Variants in PRKCH observed in about 807,000 individuals in gnomAD.
PRKCH encodes protein kinase C eta type.
A neutral mutation model predicts 82.5 loss-of-function variants in PRKCH; 28 were observed. The observed-to-expected ratio is 0.34, with a 90% CI of 0.25 to 0.47. The LOEUF (loss-of-function observed/expected upper bound fraction) is 0.47. Among genes scored for constraint, PRKCH ranks in the 20% least tolerant of loss-of-function variants. PRKCH has a pLI of 1.00. For synonymous variants in PRKCH, 322 were observed against 327.4 expected (o/e 0.98, Z 0.18); for missense variants, 705 against 881.8 (o/e 0.80, Z 2.54).
intron 1 of PRKCH, among the ~76,000 whole-genome samples, chr14:61,331,391 C>T (rs1014571904): frequency 6.6e-6 from 1 of 152,052 alleles, no homozygotes; most frequent in Non-Finnish European, 1.5e-5. Context: ...TGGTGGTGTG[C>T]ACCTGTAGTC....
rs533741340 is a variant in PRKCH at position 61,413,795 on chromosome 14, A to G, written c.427+22507A>G. Among the ~76,000 whole-genome samples, 5 of 151,796 alleles carry G rather than the reference A, an allele frequency of 3.3e-5. No individual in the cohort carries two copies. In the South Asian group the frequency reaches 1.0e-3, roughly 32 times the overall value. On this transcript the variant is annotated intron_variant, in intron 2 of 13. Coordinates refer to ENST00000332981, the MANE Select transcript of PRKCH (RefSeq NM_006255.5). ...CTAATTCTTCACTTCATTGCCTTCT[A>G]TTTTCTCTTCCAGCCGCTACTTAAG...
At chr14:61,281,257 C>T in intron 1 of PRKCH, 2 of 612,180 alleles carry the variant, frequency 3.3e-6, no homozygotes, top group Non-Finnish European at 4.8e-6. Context: ...GTCGGGTTTC[C>T]CGCCAGCTCA....
At chr14:61,192,840 C>T (rs2044415314) in intron 1 of PRKCH, among the ~76,000 whole-genome samples, 1 of 152,186 alleles carries the variant, frequency 6.6e-6, no homozygotes, top group Admixed American at 6.5e-5. Flanking sequence ...TTGGACTTCA[C>T]CTTCCCTTCC....
At chr14:61,434,616 A>T (rs1244789003) in intron 2 of PRKCH, among the ~76,000 whole-genome samples, 1 of 152,228 alleles carries the variant, frequency 6.6e-6, no homozygotes, top group Admixed American at 6.5e-5. Flanking sequence ...TGATAGTAGG[A>T]CAGGAGGGAA....
At chr14:61,222,485 A>G (rs1382597445) in intron 1 of PRKCH, among the ~76,000 whole-genome samples, 1 of 152,216 alleles carries the variant, frequency 6.6e-6, no homozygotes, top group Non-Finnish European at 1.5e-5. Flanking sequence ...GATACAGACT[A>G]GACTCATATT....
At chr14:61,337,773 G>A (rs2045878579) in intron 1 of PRKCH, among the ~76,000 whole-genome samples, 1 of 152,148 alleles carries the variant, frequency 6.6e-6, no homozygotes, top group Non-Finnish European at 1.5e-5. Flanking sequence ...TTTGTTTACT[G>A]GACACTTGTT....
chr14:61,464,850 A>G (rs1305365502), intron 9 of PRKCH, among the ~76,000 whole-genome samples: 1 of 152,186 alleles, frequency 6.6e-6, no homozygotes, highest in Non-Finnish European at 1.5e-5. Context: ...ATAAACATAC[A>G]TGTGCATGTG....
intron 2 of PRKCH, among the ~76,000 whole-genome samples, chr14:61,408,767 T>C (rs944991719): frequency 1.3e-5 from 2 of 152,168 alleles, no homozygotes; most frequent in Non-Finnish European, 2.9e-5. Flanking sequence ...TAAAAGATAC[T>C]GGAAAAATGT....
chr14:61,487,351 G>A (rs1886269354), intron 10 of PRKCH, among the ~76,000 whole-genome samples: 1 of 152,232 alleles, frequency 6.6e-6, no homozygotes, highest in African/African-American at 2.4e-5. Flanking sequence ...CGGGGCTGCA[G>A]CAGGTTGATT....
Position 61,280,395 on chromosome 14 carries a change from C to T in PRKCH, c.-19+92727C>T. The T allele has an allele frequency of 6.2e-7, 1 of 1,614,008 alleles. No individual in the cohort carries two copies. The highest frequency in any genetic ancestry group is 2.2e-5 in the East Asian group (1 of 44,862). ...GCAGCGCCGCCGTGCGCATCCACAC[C>T]ACGAAGTCCTGATTGATGAAGCCGG... On this transcript the variant is annotated intron_variant, in intron 1 of 3. Transcript: ENST00000555185. The surrounding 1 kb of genome is among the most constrained non-coding windows in gnomAD (Gnocchi z 5.0).
rs1311392435 is a variant in PRKCH, at chr14:61,322,078, C to A, written c.-24C>A. On this transcript the variant is annotated 5_prime_UTR_variant, in exon 1 of 14. Transcript: ENST00000332981. ...CCCGCTGCGAAGCAGCGCGGCCCCC[C>A]GGGGCCGGGGCAGCGGCGCCGGCAT... is the stretch of plus-strand genomic sequence containing the variant. 5 of 1,518,502 alleles carry A rather than the reference C, an allele frequency of 3.3e-6. No individual in the cohort carries two copies. Among genetic ancestry groups the A allele is most frequent in the Admixed American group, 2.1e-5 (1 of 48,732 alleles). The allele number at this position is 1,518,502 out of a possible 1,614,324, so 94.1% of individuals were successfully genotyped here. A position where few individuals can be genotyped will look rare whatever the true frequency, so the allele number is the denominator to read the frequency against.
rs185510815 is a variant in PRKCH, at chr14:61,295,220, A to C, written c.-19+107552A>C. On this transcript the variant is annotated intron_variant, in intron 1 of 3. Transcript: ENST00000555185. Reference sequence around the variant, plus strand: ...ATTGACATGCAGTTGTTTTATAAACAGAGAACATGAAAAAGGATTCTGTAT... The same window carrying C: ...ATTGACATGCAGTTGTTTTATAAACCGAGAACATGAAAAAGGATTCTGTAT... Among the ~76,000 whole-genome samples, 578 of 152,132 alleles carry C rather than the reference A, an allele frequency of 3.8e-3. 8 individuals carry two copies. The highest frequency in any genetic ancestry group is 0.013 in the African/African-American group (559 of 41,570).
chr14:61,195,928 A>C (rs1317276542), intron 1 of PRKCH, among the ~76,000 whole-genome samples: 1 of 152,204 alleles, frequency 6.6e-6, no homozygotes, highest in African/African-American at 2.4e-5. Flanking sequence ...GGGCTTCGGC[A>C]TATAAATTTT....
chr14:61,464,055 G>A (rs1397016395), intron 9 of PRKCH, among the ~76,000 whole-genome samples: 1 of 152,194 alleles, frequency 6.6e-6, no homozygotes, highest in Non-Finnish European at 1.5e-5. Context: ...TTTTCGACAT[G>A]CTGATTTCAT....
intron 1 of PRKCH, among the ~76,000 whole-genome samples, chr14:61,195,896 T>A (rs1181422078): frequency 6.6e-6 from 1 of 152,212 alleles, no homozygotes; most frequent in Non-Finnish European, 1.5e-5. Flanking sequence ...TAATTACTTC[T>A]GTAGAAGCAC....
chr14:61,548,007 T>C, intron 13 of PRKCH, 121 bp downstream of exon 13: 2 of 1,334,516 alleles, frequency 1.5e-6, no homozygotes, highest in Non-Finnish European at 2.1e-6. Flanking sequence ...AGCTGGATAC[T>C]GCACAGGGCA....
intron 10 of PRKCH, among the ~76,000 whole-genome samples, chr14:61,503,728 G>A (rs1416827144): frequency 2.0e-5 from 3 of 152,084 alleles, no homozygotes; most frequent in South Asian, 2.1e-4. Flanking sequence ...GTTACAAAGC[G>A]CTTTACCTCT....
chr14:61,528,078 C>T (rs1437167261), intron 10 of PRKCH: 2 of 152,042 alleles, frequency 1.3e-5, no homozygotes, highest in African/African-American at 4.8e-5. Flanking sequence ...TCCCCCTCCC[C>T]ACCCCTCCTG....
At chr14:61,385,804 A>G (rs1355300676) in intron 1 of PRKCH, among the ~76,000 whole-genome samples, 1 of 152,110 alleles carries the variant, frequency 6.6e-6, no homozygotes, top group African/African-American at 2.4e-5. Context: ...CCTTATATGC[A>G]AGGTAGGGTC....
Sources: allele counts gnomAD v4.1 joint callset (sites outside exome capture counted in the v4.1 genomes callset), GRCh38; gene constraint gnomAD v4.1.1; non-coding constraint Gnocchi (gnomAD v3.1); transcripts MANE v1.5; gene names NCBI Gene and HGNC (gene_info 2026-07-23, HGNC 2026-07-21).